The following FGGY variants were observed in gnomAD, a reference collection of about 807,000 sequenced individuals.
The protein encoded by FGGY is FGGY carbohydrate kinase domain containing.
A neutral mutation model predicts 71.3 loss-of-function variants in FGGY; 72 were observed. The ratio of observed to expected loss-of-function variants is 1.01; its 90% confidence interval spans 0.84 to 1.23. The LOEUF (loss-of-function observed/expected upper bound fraction) is 1.23, where lower values mean the gene tolerates loss of function less well. Ranked by LOEUF, FGGY falls within the 50% of genes most tolerant of loss-of-function variation. FGGY has a pLI of 0.00. For synonymous variants in FGGY, 251 were observed against 250.3 expected, an observed-to-expected ratio of 1.00 and a Z score of -0.02; for missense variants, 668 against 682.3, an observed-to-expected ratio of 0.98 and a Z score of 0.23.
At chr1:59,735,591 C>T (rs2098094301) in intron 14 of FGGY, among the ~76,000 whole-genome samples, 1 of 152,156 alleles carries the variant, frequency 6.6e-6, no homozygotes, top group African/African-American at 2.4e-5. Flanking sequence ...CTTCTCAACC[C>T]ACCATCTCTA....
At chr1:59,415,543 A>G (rs1390659152) in intron 5 of FGGY, among the ~76,000 whole-genome samples, 1 of 152,176 alleles carries the variant, frequency 6.6e-6, no homozygotes, top group Non-Finnish European at 1.5e-5. Context: ...GTGAACGTGT[A>G]TGTCATTTCT....
intron 6 of FGGY, among the ~76,000 whole-genome samples, chr1:59,463,008 C>T (rs533802738): frequency 3.3e-5 from 5 of 152,218 alleles, no homozygotes; most frequent in East Asian, 1.9e-4. Flanking sequence ...CACATGCACA[C>T]GTATGTTTAT....
Position 59,736,716 on chromosome 1 carries a change from G to A in FGGY, c.1513-21215G>A, listed in dbSNP as rs555845792. 5.3e-5 allele frequency among the ~76,000 whole-genome samples: 8 copies of A among 152,318 alleles called. No homozygotes were observed. The East Asian group carries it at 1.5e-3, about 29-fold the overall frequency. On this transcript the variant is annotated intron_variant, in intron 14 of 15. Coordinates refer to ENST00000303721, the MANE Select transcript of FGGY (RefSeq NM_018291.5). The stretch of plus-strand genomic sequence containing the variant: ...TGTTGACGGCATTCAGTTTCAAAAG[G>A]AAAACGGAGCATGAAAGTTTGCAAA...
At chr1:59,384,674 A>G (rs1000525298) in intron 5 of FGGY, among the ~76,000 whole-genome samples, 1 of 152,138 alleles carries the variant, frequency 6.6e-6, no homozygotes, top group Non-Finnish European at 1.5e-5. Context: ...TGTCTCCATC[A>G]TGTGCAGTCT....
chr1:59,309,768 GA>G (rs2153091472), intron 1 of FGGY, among the ~76,000 whole-genome samples: 1 of 152,180 alleles, frequency 6.6e-6, no homozygotes, highest in East Asian at 1.9e-4. Flanking sequence ...TTAAGGCCAG[GA>G]ATTCGAGACC....
In FGGY at chr1:59,397,752, A is replaced by C. The variant is rs150167842; in HGVS notation, c.554+18915A>C. Among the ~76,000 whole-genome samples, 343 of 152,322 alleles carry C rather than the reference A, an allele frequency of 2.3e-3. 1 individual carries two copies. Among genetic ancestry groups the C allele is most frequent in the African/African-American group, 8.1e-3 (336 of 41,558 alleles). ...AGTATACCCTGTATTAGTTTAAAAA[A>C]GGTCTCAGCTTACACGGGACAGCAT... On this transcript the variant is annotated intron_variant, in intron 5 of 15. Transcript: ENST00000303721.
intron 6 of FGGY, among the ~76,000 whole-genome samples, chr1:59,466,484 C>T (rs1377190007): frequency 1.3e-5 from 2 of 152,128 alleles, no homozygotes; most frequent in Non-Finnish European, 2.9e-5. Flanking sequence ...GCAATGGCAC[C>T]AAAAGCCAAA....
At chr1:59,732,940 C>T (rs544661712) in intron 14 of FGGY, among the ~76,000 whole-genome samples, 74 of 152,178 alleles carry the variant, frequency 4.9e-4, no homozygotes, top group African/African-American at 1.5e-3. Context: ...CCCTGTTCCC[C>T]GTAATTGTTA....
At chr1:59,461,222 T>G (rs1478526877) in intron 6 of FGGY, among the ~76,000 whole-genome samples, 1 of 152,288 alleles carries the variant, frequency 6.6e-6, no homozygotes, top group East Asian at 1.9e-4. Flanking sequence ...AGAGAAGACC[T>G]TAAATGACCT....
At position 59,554,182 on chromosome 1, in the gene FGGY, G is replaced by C; in HGVS notation, c.858G>C (p.Thr286=). The change falls in exon 8 of 16, where the codon ACG becomes ACC. Residue 286 remains threonine (T), a synonymous_variant. Coordinates refer to ENST00000303721, the MANE Select transcript of FGGY (RefSeq NM_018291.5). The part of the protein sequence containing the change: ...HGLICEGQPV[T]SRLAVICGTS... Reference sequence around the variant, plus strand: ...TCATCTGTGAGGGGCAGCCAGTGACGTCACGGCTGGCTGTCATCTGTGGAA... The same window carrying C: ...TCATCTGTGAGGGGCAGCCAGTGACCTCACGGCTGGCTGTCATCTGTGGAA... 6.2e-7 allele frequency: 1 copy of C among 1,613,626 alleles called. No individual in the cohort carries two copies. The highest frequency in any genetic ancestry group is 8.5e-7 in the Non-Finnish European group (1 of 1,179,612).
intron 1 of FGGY, among the ~76,000 whole-genome samples, chr1:59,320,046 G>T (rs938913662): frequency 6.6e-6 from 1 of 152,182 alleles, no homozygotes; most frequent in Non-Finnish European, 1.5e-5. Context: ...GTCCCCAAGG[G>T]GAATGTAAGC....
At chr1:59,698,802 C>T (rs752295949) in intron 14 of FGGY, 105 of 985,180 alleles carry the variant, frequency 1.1e-4, no homozygotes, top group Non-Finnish European at 1.3e-4. Flanking sequence ...ACATTGAGTG[C>T]GTGTACTTAA....
chr1:59,509,015 C>A (rs532253156), intron 6 of FGGY, among the ~76,000 whole-genome samples: 1 of 152,316 alleles, frequency 6.6e-6, no homozygotes, highest in African/African-American at 2.4e-5. Context: ...TCTATCAGAG[C>A]CCTTCTGCCT....
At chr1:59,503,594 C>T (rs1379349510) in intron 6 of FGGY, among the ~76,000 whole-genome samples, 3 of 127,718 alleles carry the variant, frequency 2.3e-5, no homozygotes, top group African/African-American at 9.4e-5. Context: ...GTGGTGTCGC[C>T]ATATATATAT....
intron 5 of FGGY, among the ~76,000 whole-genome samples, chr1:59,424,510 G>C (rs1486330266): frequency 2.0e-5 from 3 of 152,118 alleles, no homozygotes; most frequent in African/African-American, 7.2e-5. Context: ...TCGCGCCACT[G>C]CACTCCAGCC....
intron 8 of FGGY, among the ~76,000 whole-genome samples, chr1:59,592,325 A>T: frequency 1.3e-5 from 2 of 152,082 alleles, no homozygotes; most frequent in East Asian, 3.8e-4. Context: ...GAACACTTTT[A>T]CACTGTTGGT....
At chr1:59,662,319 CAAAAA>C (rs372754171) in intron 12 of FGGY, among the ~76,000 whole-genome samples, 1 of 101,134 alleles carries the variant, frequency 9.9e-6, no homozygotes, top group Non-Finnish European at 2.0e-5. Flanking sequence ...GACTCCATCT[CAAAAA>C]AAAAAAAAAA....
chr1:59,755,562 A>G (rs2098282843), intron 14 of FGGY: 1 of 152,216 alleles, frequency 6.6e-6, no homozygotes, highest in South Asian at 2.1e-4. Context: ...AGCTAAGTTT[A>G]ACATTTAAAT....
intron 6 of FGGY, among the ~76,000 whole-genome samples, chr1:59,501,155 C>T (rs920358642): frequency 1.8e-4 from 27 of 152,224 alleles, no homozygotes; most frequent in Admixed American, 2.6e-4. Flanking sequence ...GTAGTCCAGA[C>T]GAGAAACCAA....
Sources: allele counts gnomAD v4.1 joint callset (sites outside exome capture counted in the v4.1 genomes callset), GRCh38; gene constraint gnomAD v4.1.1; transcripts MANE v1.5; gene names NCBI Gene and HGNC (gene_info 2026-07-23, HGNC 2026-07-21).